GMDS: variants seen among roughly 807,000 people sequenced by gnomAD.
The protein encoded by GMDS is GDP-mannose 4,6 dehydratase.
GMDS carries 20 observed loss-of-function variants against 49.9 expected under a neutral mutation model. The ratio of observed to expected loss-of-function variants is 0.40; its 90% confidence interval spans 0.28 to 0.58. The LOEUF (loss-of-function observed/expected upper bound fraction) is 0.58. Among genes scored for constraint, GMDS ranks in the 20% least tolerant of loss-of-function variants. The pLI, the probability that GMDS is intolerant of heterozygous loss-of-function variation, is 0.42. For missense variants in GMDS, 362 were observed against 481.4 expected (o/e 0.75, Z 2.32); for synonymous variants, 177 against 178.6 (o/e 0.99, Z 0.07).
chr6:1,780,150 G>T lies in GMDS; in HGVS notation c.772-37564C>A, dbSNP rs905749454. On this transcript the variant is annotated intron_variant, in intron 7 of 10. Transcript: ENST00000380815. ...CTTGCAGCCTGTCCCTGGCTTATAC[G>T]TAAAGATACATGCTGGCAATTGTGT... Among the ~76,000 whole-genome samples, 3 of 152,214 alleles carry T rather than the reference G, an allele frequency of 2.0e-5. No homozygotes were observed. The East Asian group carries it at 5.8e-4, about 29-fold the overall frequency.
intron 1 of GMDS, among the ~76,000 whole-genome samples, chr6:2,129,392 A>C (rs1265776193): frequency 1.3e-5 from 2 of 152,180 alleles, no homozygotes; most frequent in East Asian, 3.9e-4. Context: ...ACAAACGAAA[A>C]GGGAACTTTC....
At chr6:1,658,927 T>A (rs992687070) in intron 9 of GMDS, among the ~76,000 whole-genome samples, 1 of 152,224 alleles carries the variant, frequency 6.6e-6, no homozygotes, top group Non-Finnish European at 1.5e-5. Context: ...TGTGAGGGGC[T>A]GGAACTACTT....
intron 4 of GMDS, among the ~76,000 whole-genome samples, chr6:2,101,400 A>G (rs959116790): frequency 6.6e-6 from 1 of 152,038 alleles, no homozygotes; most frequent in Non-Finnish European, 1.5e-5. Context: ...GGGACAAACT[A>G]ATATTTCACA....
At chr6:2,206,766 G>A (rs952910322) in intron 1 of GMDS, among the ~76,000 whole-genome samples, 7 of 152,150 alleles carry the variant, frequency 4.6e-5, no homozygotes, top group East Asian at 1.9e-4. Flanking sequence ...GATTGATGCC[G>A]GTATTGCTGA....
At chr6:2,107,788 C>T (rs1774325386) in intron 4 of GMDS, among the ~76,000 whole-genome samples, 2 of 152,202 alleles carry the variant, frequency 1.3e-5, no homozygotes, top group African/African-American at 4.8e-5. Context: ...AGAGCTAATT[C>T]TTCTAGACAC....
intron 4 of GMDS, among the ~76,000 whole-genome samples, chr6:2,002,904 A>G (rs895171051): frequency 6.6e-6 from 1 of 152,154 alleles, no homozygotes; most frequent in Admixed American, 6.5e-5. Context: ...CCACTCTTAC[A>G]TGGGTGTGGA....
At position 2,043,939 on chromosome 6, in the gene GMDS, G is replaced by A. The variant is rs527602845; in HGVS notation, c.345+71832C>T. Among the ~76,000 whole-genome samples the A allele has an allele frequency of 5.8e-4, 88 of 152,088 alleles. 1 individual carries two copies. Among genetic ancestry groups the A allele is most frequent in the Admixed American group, 4.3e-3 (66 of 15,292 alleles). ...AGACACTTTATAAAAGAAGACATAC[G>A]TGTGGCCAACAAGCATATGAGAAAA... is the stretch of plus-strand genomic sequence containing the variant. On this transcript the variant is annotated intron_variant, in intron 4 of 10. Coordinates refer to ENST00000380815, the MANE Select transcript of GMDS (RefSeq NM_001500.4).
intron 7 of GMDS, among the ~76,000 whole-genome samples, chr6:1,811,366 T>A (rs1770422132): frequency 6.6e-6 from 1 of 152,208 alleles, no homozygotes; most frequent in Admixed American, 6.5e-5. Flanking sequence ...GGAAGCCTTA[T>A]CAGCTGAGTT....
Position 1,985,157 on chromosome 6 carries a change from C to A in GMDS, c.346-24191G>T, listed in dbSNP as rs183594671. Among the ~76,000 whole-genome samples, 479 of 152,284 alleles carry A rather than the reference C, an allele frequency of 3.1e-3. 1 individual carries two copies. Among genetic ancestry groups the A allele is most frequent in the Non-Finnish European group, 5.9e-3 (403 of 68,028 alleles). The stretch of plus-strand genomic sequence containing the variant: ...AAAAAAAGAGGCACATGGCAACAGA[C>A]AAAGCTTTACACAAGGGTCTGCTCC... On this transcript the variant is annotated intron_variant, in intron 4 of 10. Transcript: ENST00000380815.
At chr6:1,963,030 C>A (rs1167506514) in intron 4 of GMDS, among the ~76,000 whole-genome samples, 4 of 151,682 alleles carry the variant, frequency 2.6e-5, no homozygotes, top group Non-Finnish European at 4.4e-5. Flanking sequence ...GCATGCACCA[C>A]CACGCCCAGC....
intron 7 of GMDS, among the ~76,000 whole-genome samples, chr6:1,909,454 CCTTTA>C (rs1259455187): frequency 1.3e-5 from 2 of 152,184 alleles, no homozygotes; most frequent in Non-Finnish European, 2.9e-5. Context: ...TTTCTTAGGT[CCTTTA>C]CTTTAGAAAT....
chr6:1,658,927 T>C (rs992687070), intron 9 of GMDS, among the ~76,000 whole-genome samples: 9 of 152,224 alleles, frequency 5.9e-5, no homozygotes, highest in African/African-American at 2.2e-4. Context: ...TGTGAGGGGC[T>C]GGAACTACTT....
At chr6:2,115,742 G>A in intron 4 of GMDS, 29 bp downstream of exon 4, 2 of 1,150,900 alleles carry the variant, frequency 1.7e-6, no homozygotes, top group Non-Finnish European at 2.6e-6. Flanking sequence ...CAGAAACACG[G>A]CCAGAGAAAT....
intron 4 of GMDS, among the ~76,000 whole-genome samples, chr6:2,049,103 C>G (rs1329240095): frequency 6.6e-6 from 1 of 152,200 alleles, no homozygotes; most frequent in Non-Finnish European, 1.5e-5. Flanking sequence ...TTGCCTTGAT[C>G]TTGTGACTTC....
At chr6:2,234,670 T>C (rs1019095541) in intron 1 of GMDS, among the ~76,000 whole-genome samples, 2 of 152,130 alleles carry the variant, frequency 1.3e-5, no homozygotes, top group African/African-American at 4.8e-5. Flanking sequence ...ACATAAATTT[T>C]CTGACCTCGA....
intron 7 of GMDS, among the ~76,000 whole-genome samples, chr6:1,877,643 T>TCAAAAA (rs776232284): frequency 1.7e-4 from 9 of 51,782 alleles, no homozygotes; most frequent in East Asian, 9.6e-4. Context: ...ATCTCAAAAA[T>TCAAAAA]TAAAAAAAAA....
At chr6:2,122,481 A>G (rs1775194088) in intron 2 of GMDS, among the ~76,000 whole-genome samples, 1 of 152,134 alleles carries the variant, frequency 6.6e-6, no homozygotes, top group Non-Finnish European at 1.5e-5. Flanking sequence ...CATGCAATCT[A>G]CTAATCCTAT....
intron 4 of GMDS, among the ~76,000 whole-genome samples, chr6:2,109,072 A>C (rs958260772): frequency 6.6e-6 from 1 of 152,252 alleles, no homozygotes; most frequent in African/African-American, 2.4e-5. Context: ...GACAGGCCTC[A>C]GTCCCAGGCA....
chr6:2,174,051 A>G (rs1778149096), intron 1 of GMDS, among the ~76,000 whole-genome samples: 1 of 152,182 alleles, frequency 6.6e-6, no homozygotes, highest in Admixed American at 6.5e-5. Flanking sequence ...GAGACTGAGG[A>G]CCAAGATATA....
Sources: allele counts gnomAD v4.1 joint callset (sites outside exome capture counted in the v4.1 genomes callset), GRCh38; gene constraint gnomAD v4.1.1; transcripts MANE v1.5; gene names NCBI Gene and HGNC (gene_info 2026-07-23, HGNC 2026-07-21).